SYTL3: variants seen among roughly 807,000 people sequenced by gnomAD.
The protein encoded by SYTL3 is synaptotagmin like 3, also known as synaptotagmin-like protein 3.
SYTL3 carries 88 observed loss-of-function variants against 82.1 expected under a neutral mutation model. The observed-to-expected ratio is 1.07, with a 90% CI of 0.90 to 1.28. The LOEUF (loss-of-function observed/expected upper bound fraction) is 1.28, where lower values mean the gene tolerates loss of function less well. Among genes scored for constraint, SYTL3 ranks in the 50% most tolerant of loss-of-function variants. The pLI is 0.00. For synonymous variants in SYTL3, 311 were observed against 289.4 expected (o/e 1.07, Z -0.76); for missense variants, 831 against 757.6 (o/e 1.10, Z -1.14).
intron 4 of SYTL3, among the ~76,000 whole-genome samples, chr6:158,663,901 C>T (rs183665455): frequency 1.4e-3 from 206 of 152,184 alleles, no homozygotes; most frequent in Admixed American, 2.7e-3. Flanking sequence ...AAATATGAAC[C>T]TGCTTAGCCT....
chr6:158,746,217 A>G (rs752442363), intron 12 of SYTL3, among the ~76,000 whole-genome samples: 3 of 151,956 alleles, frequency 2.0e-5, no homozygotes, highest in Non-Finnish European at 4.4e-5. Context: ...ATACCATCAC[A>G]TTGTAGGTCA....
rs1054743266 is a variant in SYTL3 at position 158,756,084 on chromosome 6, T to G, written c.1138-1127T>G. Among the ~76,000 whole-genome samples the G allele has an allele frequency of 2.0e-5, 3 of 152,362 alleles. No individual in the cohort carries two copies. The East Asian group carries it at 5.8e-4, about 29-fold the overall frequency. On this transcript the variant is annotated intron_variant, in intron 13 of 17. Coordinates refer to ENST00000611299, the MANE Select transcript of SYTL3 (RefSeq NM_001242394.2). ...TCAATAACTTGTAGGGTTTGTTCAT[T>G]ATTGAGAAAATCCAACTAATAAGCT...
At chr6:158,675,186 TATTC>T (rs963198246) in intron 5 of SYTL3, among the ~76,000 whole-genome samples, 2 of 152,176 alleles carry the variant, frequency 1.3e-5, no homozygotes, top group Non-Finnish European at 2.9e-5. Context: ...GAGGGGAGGA[TATTC>T]ATTCATTCAC....
intron 5 of SYTL3, among the ~76,000 whole-genome samples, chr6:158,674,969 A>G (rs981981541): frequency 6.6e-6 from 1 of 151,246 alleles, no homozygotes; most frequent in Non-Finnish European, 1.5e-5. Context: ...GCCCTGCCCG[A>G]CACAGTTAGA....
At chr6:158,702,326 CA>C (rs1193990568) in intron 6 of SYTL3, among the ~76,000 whole-genome samples, 4,308 of 70,680 alleles carry the variant, frequency 0.061, 55 homozygotes, top group South Asian at 0.08. Context: ...GACTCTGTCT[CA>C]AAAAAAAAAA....
chr6:158,698,737 GTGA>G (rs1477835374), intron 6 of SYTL3, among the ~76,000 whole-genome samples: 3 of 152,170 alleles, frequency 2.0e-5, no homozygotes, highest in African/African-American at 7.2e-5. Flanking sequence ...TGTATTGATT[GTGA>G]TGATTGTTTA....
chr6:158,708,410 G>A lies in SYTL3; in HGVS notation c.516+19G>A, dbSNP rs1053767212. 1.9e-6 allele frequency: 3 copies of A among 1,610,948 alleles called. No individual in the cohort carries two copies. The highest frequency in any genetic ancestry group is 2.5e-6 in the Non-Finnish European group (3 of 1,177,162). ...TGGCAGGGTAACGTATCCATTCTGG[G>A]CACTTCTCTAGTAGGGGTCAGGGGA... On this transcript the variant is annotated intron_variant, in intron 8 of 17. Coordinates refer to ENST00000611299, the MANE Select transcript of SYTL3 (RefSeq NM_001242394.2).
At chr6:158,761,519 A>T (rs923934551) in intron 15 of SYTL3, among the ~76,000 whole-genome samples, 1 of 151,940 alleles carries the variant, frequency 6.6e-6, no homozygotes, top group Non-Finnish European at 1.5e-5. Context: ...CATGTTAGCC[A>T]GGATGGTCTC....
At position 158,713,945 on chromosome 6, in the gene SYTL3, C is replaced by T. The variant is rs572121515; in HGVS notation, c.595+67C>T. The T allele has an allele frequency of 9.7e-6, 12 of 1,232,770 alleles. No individual in the cohort carries two copies. The Admixed American group carries it at 2.0e-4, about 20-fold the overall frequency. 76.4% of individuals were successfully genotyped at this position (1,232,770 alleles called of 1,614,324 possible). A position where few individuals can be genotyped will look rare whatever the true frequency, so the allele number is the denominator to read the frequency against. Reference sequence around the variant, plus strand: ...GGCCAGCCGAGCCCACTGGCCAGGGCCTGGCCGGTGACCTCGGTTGACACT... The same window carrying T: ...GGCCAGCCGAGCCCACTGGCCAGGGTCTGGCCGGTGACCTCGGTTGACACT... On this transcript the variant is annotated intron_variant, in intron 9 of 17. Transcript: ENST00000611299.
At chr6:158,650,818 G>T (rs1237514666) in intron 1 of SYTL3, among the ~76,000 whole-genome samples, 1 of 151,944 alleles carries the variant, frequency 6.6e-6, no homozygotes. Flanking sequence ...GGGTGTGGTG[G>T]CAGGCACCTG....
chr6:158,729,888 CT>C (rs57184517), intron 11 of SYTL3, among the ~76,000 whole-genome samples: 83,716 of 151,134 alleles, frequency 0.55, 23,978 homozygotes, highest in African/African-American at 0.66. Flanking sequence ...TTAAAGTTTC[CT>C]TTTTTTTGTT....
chr6:158,703,153 TAAAAAAA>T (rs71297001), intron 6 of SYTL3, among the ~76,000 whole-genome samples: 12 of 94,876 alleles, frequency 1.3e-4, no homozygotes, highest in Admixed American at 2.5e-4. Context: ...GACTCTGTCT[TAAAAAAA>T]AAAAAAAAAA....
intron 2 of SYTL3, among the ~76,000 whole-genome samples, chr6:158,660,153 T>C (rs906134196): frequency 3.3e-5 from 5 of 152,230 alleles, no homozygotes; most frequent in African/African-American, 1.2e-4. Flanking sequence ...TAATCCCAGC[T>C]ACTCGGAAGG....
chr6:158,707,343 T>C lies in SYTL3; in HGVS notation c.446+62T>C, dbSNP rs1424204460. The C allele has an allele frequency of 1.2e-5, 18 of 1,471,760 alleles. No individual in the cohort carries two copies. In the African/African-American group the frequency reaches 1.5e-4, roughly 13 times the overall value. 91.2% of individuals were successfully genotyped at this position (1,471,760 alleles called of 1,614,324 possible). A position where few individuals can be genotyped will look rare whatever the true frequency, so the allele number is the denominator to read the frequency against. Reference sequence around the variant, plus strand: ...CGGGGCAGGAGCGCAGAGGACACTCTGCAAGAACTTATAGGTCTCTTGACT... The same window carrying C: ...CGGGGCAGGAGCGCAGAGGACACTCCGCAAGAACTTATAGGTCTCTTGACT... On this transcript the variant is annotated intron_variant, in intron 7 of 17. Transcript: ENST00000611299.
At chr6:158,698,225 C>T (rs1323427795) in intron 6 of SYTL3, among the ~76,000 whole-genome samples, 1 of 151,998 alleles carries the variant, frequency 6.6e-6, no homozygotes, top group East Asian at 1.9e-4. Flanking sequence ...GGTAAAATCC[C>T]GTCTCTACTA....
intron 15 of SYTL3, 151 bp downstream of exon 15, chr6:158,760,896 A>G: frequency 3.0e-6 from 2 of 664,894 alleles, no homozygotes; most frequent in South Asian, 1.8e-5. Flanking sequence ...TGAGCCATGC[A>G]GCGAGCCCGG....
intron 10 of SYTL3, among the ~76,000 whole-genome samples, chr6:158,720,019 G>C (rs1459726054): frequency 6.6e-6 from 1 of 152,168 alleles, no homozygotes; most frequent in Non-Finnish European, 1.5e-5. Context: ...AGCCCAGGAG[G>C]TCAAGGCTGC....
chr6:158,720,048 C>T (rs1327659551), intron 10 of SYTL3, among the ~76,000 whole-genome samples: 1 of 152,106 alleles, frequency 6.6e-6, no homozygotes, highest in African/African-American at 2.4e-5. Context: ...ATGGTTGCAC[C>T]ACTGCACTCC....
rs1583104982 is a variant in SYTL3, at chr6:158,651,760, G to A, written c.-719G>A. ...GTTTTTGGGTGGTAAAAGGCTCCCCGAATGAGAAAGAATACTCGGAATCAG... is the reference window on the plus strand; with the variant it reads ...GTTTTTGGGTGGTAAAAGGCTCCCCAAATGAGAAAGAATACTCGGAATCAG... On this transcript the variant is annotated 5_prime_UTR_variant, in exon 2 of 18. Transcript: ENST00000611299. 1 of 151,682 alleles carries A rather than the reference G, an allele frequency of 6.6e-6. No homozygotes were observed. Among genetic ancestry groups the A allele is most frequent in the African/African-American group, 2.4e-5 (1 of 41,356 alleles). 9.4% of individuals were successfully genotyped at this position (151,682 alleles called of 1,614,324 possible).
Sources: allele counts gnomAD v4.1 joint callset (sites outside exome capture counted in the v4.1 genomes callset), GRCh38; gene constraint gnomAD v4.1.1; transcripts MANE v1.5; gene names NCBI Gene and HGNC (gene_info 2026-07-23, HGNC 2026-07-21).